PCLO: variants seen among roughly 807,000 people sequenced by gnomAD.
PCLO encodes the protein piccolo presynaptic cytomatrix protein, also known as protein piccolo.
Under a neutral mutation model 427.5 loss-of-function variants are expected in PCLO, and 82 were observed. The observed-to-expected ratio is 0.19, with a 90% CI of 0.16 to 0.23. The LOEUF (loss-of-function observed/expected upper bound fraction) is 0.23. Among genes scored for constraint, PCLO ranks in the 10% least tolerant of loss-of-function variants. The pLI is 1.00. For synonymous variants in PCLO, 2,357 were observed against 2,155.4 expected, an observed-to-expected ratio of 1.09 and a Z score of -2.59; for missense variants, 6,239 against 6,115.9, an observed-to-expected ratio of 1.02 and a Z score of -0.67.
chr7:83,029,055 CT>C (rs780439758), intron 3 of PCLO, among the ~76,000 whole-genome samples: 2 of 152,102 alleles, frequency 1.3e-5, no homozygotes, highest in Non-Finnish European at 2.9e-5. Flanking sequence ...TGGGCAAGGA[CT>C]TCATGTCTAA....
chr7:83,056,421 T>G (rs1291640172), intron 3 of PCLO, among the ~76,000 whole-genome samples: 2 of 152,186 alleles, frequency 1.3e-5, no homozygotes, highest in Non-Finnish European at 2.9e-5. Context: ...AATGTGTTTT[T>G]ATATATAATT....
chr7:83,090,783 A>G (rs905592353), intron 3 of PCLO, among the ~76,000 whole-genome samples: 3 of 152,158 alleles, frequency 2.0e-5, no homozygotes, highest in Non-Finnish European at 2.9e-5. Flanking sequence ...CTAAAACAGT[A>G]TATTTTCAGT....
chr7:82,794,910 CATT>C (rs1791194444), intron 22 of PCLO, among the ~76,000 whole-genome samples: 2 of 151,968 alleles, frequency 1.3e-5, no homozygotes, highest in South Asian at 2.1e-4. Flanking sequence ...ATCATTTGCT[CATT>C]GCTTTTATTT....
chr7:83,047,634 C>A (rs748884884), intron 3 of PCLO, among the ~76,000 whole-genome samples: 5 of 151,996 alleles, frequency 3.3e-5, no homozygotes, highest in Non-Finnish European at 7.4e-5. Context: ...TAAGCAGTAA[C>A]AACTCTCACT....
At chr7:82,967,197 CTTTTTTTTTTTT>C (rs766172385) in intron 3 of PCLO, among the ~76,000 whole-genome samples, 1,951 of 133,194 alleles carry the variant, frequency 0.015, 53 homozygotes, top group African/African-American at 0.048. Context: ...TTCTTCTTTT[CTTTTTTTTTTTT>C]TTTTTGCCCA....
chr7:82,994,294 G>C (rs943473805), intron 3 of PCLO, among the ~76,000 whole-genome samples: 7 of 151,918 alleles, frequency 4.6e-5, no homozygotes, highest in African/African-American at 1.7e-4. Flanking sequence ...GACAACATCA[G>C]TAATTAATTA....
intron 3 of PCLO, among the ~76,000 whole-genome samples, chr7:83,064,719 T>G (rs781229431): frequency 2.6e-5 from 4 of 152,046 alleles, no homozygotes; most frequent in Non-Finnish European, 4.4e-5. Context: ...AGACAGATTC[T>G]CAGGGCACTG....
intron 20 of PCLO, among the ~76,000 whole-genome samples, chr7:82,810,400 T>G (rs1462291162): frequency 1.3e-5 from 2 of 151,516 alleles, no homozygotes; most frequent in Non-Finnish European, 3.0e-5. Flanking sequence ...GGGGCCATTT[T>G]TTATGAATTA....
At chr7:82,980,795 G>A (rs1244431010) in intron 3 of PCLO, among the ~76,000 whole-genome samples, 1 of 152,094 alleles carries the variant, frequency 6.6e-6, no homozygotes, top group Non-Finnish European at 1.5e-5. Context: ...CTGATTTATA[G>A]AGAATGTGAT....
chr7:82,886,484 T>G (rs937291542), intron 9 of PCLO, among the ~76,000 whole-genome samples: 7 of 152,096 alleles, frequency 4.6e-5, no homozygotes, highest in Non-Finnish European at 7.4e-5. Flanking sequence ...TACTAACCAC[T>G]ATTTTGGAGG....
chr7:83,155,835 T>C lies in PCLO; in HGVS notation c.806A>G (p.His269Arg). The change falls in exon 2 of 25, where the codon CAT (histidine) becomes CGT (arginine). Residue 269 changes from histidine to arginine, a missense_variant. Physicochemically the swap from His to Arg is conservative, Grantham distance 29 (BLOSUM62 0). Coordinates refer to ENST00000333891, the MANE Select transcript of PCLO (RefSeq NM_033026.6). ...QGPTQTPQTDHAKLPLQRDAS... is the reference protein window; with the variant it reads ...QGPTQTPQTDRAKLPLQRDAS... ...ATCTCGTTGAAGTGGCAATTTTGCA[T>C]GGTCTGTCTGAGGAGTCTGGGTAGG... 6.2e-7 allele frequency: 1 copy of C among 1,613,936 alleles called. No homozygotes were observed. The highest frequency in any genetic ancestry group is 8.5e-7 in the Non-Finnish European group (1 of 1,179,874).
rs1791685339 is a variant in PCLO at position 83,135,085 on chromosome 7, G to A, written c.2465C>T (p.Pro822Leu). Residue 822 changes from proline to leucine, a missense_variant, in exon 3 of 25, where the codon CCT becomes CTT. Pro to Leu is a moderately conservative substitution (Grantham distance 98). Coordinates refer to ENST00000333891, the MANE Select transcript of PCLO (RefSeq NM_033026.6). ...KVSPFDSKAI[P>L]RPASDSKIIS... ...AATTTTTGAATCTGATGCAGGTCGA[G>A]GTATGGCTTTAGAATCAAATGGGCT... 1.2e-6 allele frequency: 2 copies of A among 1,613,802 alleles called. 1 individual carries two copies. The highest frequency in any genetic ancestry group is 2.7e-5 in the African/African-American group (2 of 74,912).
chr7:83,147,988 G>A (rs1792036415), intron 2 of PCLO, among the ~76,000 whole-genome samples: 1 of 152,008 alleles, frequency 6.6e-6, no homozygotes, highest in African/African-American at 2.4e-5. Context: ...TTTTTCATAA[G>A]ACAACATTAT....
At chr7:83,147,148 T>C (rs2116657795) in intron 2 of PCLO, among the ~76,000 whole-genome samples, 2 of 151,870 alleles carry the variant, frequency 1.3e-5, no homozygotes, top group South Asian at 2.1e-4. Flanking sequence ...TGTATATGCC[T>C]AGGTGTATAT....
At chr7:83,026,062 C>A (rs1788486794) in intron 3 of PCLO, among the ~76,000 whole-genome samples, 2 of 151,736 alleles carry the variant, frequency 1.3e-5, no homozygotes, top group South Asian at 2.1e-4. Flanking sequence ...AGCAAAATCA[C>A]CAGCTAACAT....
chr7:82,866,036 C>T (rs978999950), intron 10 of PCLO, among the ~76,000 whole-genome samples: 3 of 152,136 alleles, frequency 2.0e-5, no homozygotes, highest in Non-Finnish European at 4.4e-5. Context: ...CGCTCTTTCA[C>T]GTGTTCACTC....
chr7:82,797,503 G>A (rs899772836), intron 22 of PCLO, among the ~76,000 whole-genome samples: 1 of 152,076 alleles, frequency 6.6e-6, no homozygotes, highest in Non-Finnish European at 1.5e-5. Flanking sequence ...AAGAAAAGTG[G>A]TCGTGTATAG....
intron 3 of PCLO, among the ~76,000 whole-genome samples, chr7:83,007,663 T>C (rs1281758491): frequency 6.6e-6 from 1 of 151,402 alleles, no homozygotes; most frequent in East Asian, 1.9e-4. Flanking sequence ...GGGGAGGACA[T>C]TTAGGGTAGA....
At chr7:83,040,300 A>G (rs1044304894) in intron 3 of PCLO, among the ~76,000 whole-genome samples, 1 of 152,118 alleles carries the variant, frequency 6.6e-6, no homozygotes, top group African/African-American at 2.4e-5. Flanking sequence ...GAAACCTCAG[A>G]TGTTGCCCAT....
Sources: allele counts gnomAD v4.1 joint callset (sites outside exome capture counted in the v4.1 genomes callset), GRCh38; gene constraint gnomAD v4.1.1; transcripts MANE v1.5; gene names NCBI Gene and HGNC (gene_info 2026-07-23, HGNC 2026-07-21).